Variants in DPYS observed in about 807,000 individuals in gnomAD.
The protein encoded by DPYS is dihydropyrimidine amidohydrolase.
A neutral mutation model predicts 50.3 loss-of-function variants in DPYS; 39 were observed. The observed-to-expected ratio is 0.78, with a 90% CI of 0.60 to 1.01. DPYS has a LOEUF of 1.01. Ranked by LOEUF, DPYS falls within the 50% of genes least tolerant of loss-of-function variation. DPYS has a pLI of 0.00. For synonymous variants in DPYS, 245 were observed against 250.7 expected (o/e 0.98, Z 0.22); for missense variants, 659 against 680.9 (o/e 0.97, Z 0.36).
intron 7 of DPYS, among the ~76,000 whole-genome samples, chr8:104,394,560 A>G (rs1488570891): frequency 6.6e-6 from 1 of 151,768 alleles, no homozygotes; most frequent in Non-Finnish European, 1.5e-5. Flanking sequence ...GTCATCTCTC[A>G]CCTGGACAAC....
intron 7 of DPYS, among the ~76,000 whole-genome samples, chr8:104,398,462 A>G (rs1173771836): frequency 6.6e-6 from 1 of 152,244 alleles, no homozygotes; most frequent in African/African-American, 2.4e-5. Flanking sequence ...TGGAGAGTCT[A>G]TGAGCCACCC....
chr8:104,448,869 C>T (rs1813632322), intron 2 of DPYS, among the ~76,000 whole-genome samples: 1 of 152,146 alleles, frequency 6.6e-6, no homozygotes, highest in African/African-American at 2.4e-5. Context: ...AAATGTCCCT[C>T]CCTTTTCTTG....
intron 1 of DPYS, among the ~76,000 whole-genome samples, chr8:104,452,183 G>A (rs929221232): frequency 6.6e-6 from 1 of 152,118 alleles, no homozygotes; most frequent in African/African-American, 2.4e-5. Flanking sequence ...ATACCCCTTA[G>A]CACATTATAT....
chr8:104,429,678 T>C lies in DPYS; in HGVS notation c.817A>G (p.Ile273Val), dbSNP rs201924473. 5.1e-5 allele frequency: 82 copies of C among 1,614,040 alleles called. No individual in the cohort carries two copies. Among genetic ancestry groups the C allele is most frequent in the Non-Finnish European group, 6.4e-5 (75 of 1,180,024 alleles). Residue 273 changes from isoleucine to valine, a missense_variant, in exon 5 of 10, where the codon ATA becomes GTA. By Grantham distance (29) the Ile-to-Val change is conservative. Transcript: ENST00000351513. Reference sequence around the variant, plus strand: ...CCATCTGTGCCAAGACTGGCTGCTATGGGTTCACCATAGACCACCTTCCCT... The same window carrying C: ...CCATCTGTGCCAAGACTGGCTGCTACGGGTTCACCATAGACCACCTTCCCT... The part of the protein sequence containing the change: ...RDGKVVYGEP[I>V]AASLGTDGTH...
intron 4 of DPYS, among the ~76,000 whole-genome samples, chr8:104,440,199 C>A (rs942616409): frequency 1.3e-5 from 2 of 152,174 alleles, no homozygotes; most frequent in Admixed American, 6.5e-5. Flanking sequence ...CTATCCCGCT[C>A]TTCTGGATAT....
rs1813578840 is a variant in DPYS at position 104,447,515 on chromosome 8, C to T, written c.424-12G>A. ...ATTTCTTCTTTAACCTAAAAGGAAGCAGCAACCATAACAACAATATGTTAC... is the reference window on the plus strand; with the variant it reads ...ATTTCTTCTTTAACCTAAAAGGAAGTAGCAACCATAACAACAATATGTTAC... On this transcript the variant is annotated splice_polypyrimidine_tract_variant and intron_variant, in intron 2 of 9. Transcript: ENST00000351513. 1 of 1,613,752 alleles carries T rather than the reference C, an allele frequency of 6.2e-7. No individual in the cohort carries two copies. The highest frequency in any genetic ancestry group is 8.5e-7 in the Non-Finnish European group (1 of 1,179,852).
chr8:104,421,162 C>T (rs1414404261), intron 7 of DPYS: 1 of 152,006 alleles, frequency 6.6e-6, no homozygotes, highest in Non-Finnish European at 1.5e-5. Context: ...AATCAGCAGA[C>T]ATAGATAAAG....
In DPYS at chr8:104,381,267, G is replaced by C. The variant is rs561593514; in HGVS notation, c.1491C>G (p.Val497=). 6.2e-7 allele frequency: 1 copy of C among 1,614,116 alleles called. No homozygotes were observed. The highest frequency in any genetic ancestry group is 8.5e-7 in the Non-Finnish European group (1 of 1,180,014). Residue 497 remains valine, a synonymous_variant, in exon 9 of 10, where the codon GTC becomes GTG. Transcript: ENST00000351513. ...PVERAPYKGE[V]ATLKSRVTKE... ...TTGTCACTCTGGATTTCAGTGTGGCGACTTCTCCCTTATAGGGTGCACGCT... is the reference window on the plus strand; with the variant it reads ...TTGTCACTCTGGATTTCAGTGTGGCCACTTCTCCCTTATAGGGTGCACGCT...
intron 1 of DPYS, among the ~76,000 whole-genome samples, chr8:104,462,015 T>C (rs1292220830): frequency 6.6e-6 from 1 of 152,202 alleles, no homozygotes; most frequent in Non-Finnish European, 1.5e-5. Context: ...TAAATATTAT[T>C]TTTCTTTATA....
intron 7 of DPYS, among the ~76,000 whole-genome samples, chr8:104,416,133 C>T (rs1812359741): frequency 6.6e-6 from 1 of 152,140 alleles, no homozygotes; most frequent in Admixed American, 6.5e-5. Context: ...TCATAAGTGG[C>T]AGACTAGGAA....
chr8:104,412,503 G>T (rs759214898), intron 7 of DPYS, among the ~76,000 whole-genome samples: 2 of 152,172 alleles, frequency 1.3e-5, no homozygotes, highest in Admixed American at 6.5e-5. Flanking sequence ...GATGAAATAC[G>T]TGCAGACTCA....
chr8:104,427,200 CAAAA>C (rs1269273453), intron 6 of DPYS, among the ~76,000 whole-genome samples: 2 of 57,800 alleles, frequency 3.5e-5, no homozygotes, highest in Non-Finnish European at 7.4e-5. Flanking sequence ...GACTCCGTCT[CAAAA>C]AAAAAAAAAA....
chr8:104,424,542 T>C (rs1812655779), intron 6 of DPYS, among the ~76,000 whole-genome samples, 153 bp from the exon 7 acceptor site: 1 of 152,188 alleles, frequency 6.6e-6, no homozygotes, highest in Non-Finnish European at 1.5e-5. Flanking sequence ...TATTAAACAG[T>C]CATAATGCCA....
At chr8:104,401,916 C>T (rs1466282754) in intron 7 of DPYS, among the ~76,000 whole-genome samples, 3 of 152,194 alleles carry the variant, frequency 2.0e-5, no homozygotes, top group African/African-American at 7.2e-5. Context: ...CCGCCTCCTG[C>T]AGAAGAGAAA....
chr8:104,460,970 T>C (rs1483987943), intron 1 of DPYS, among the ~76,000 whole-genome samples: 1 of 152,036 alleles, frequency 6.6e-6, no homozygotes, highest in East Asian at 1.9e-4. Context: ...TCCTCTGAAA[T>C]TGACATAGAT....
intron 9 of DPYS, chr8:104,380,619 CAG>C (rs1411605926): frequency 6.5e-5 from 10 of 153,996 alleles, no homozygotes; most frequent in African/African-American, 1.7e-4. Flanking sequence ...TGTCAAAAGA[CAG>C]AGAAAACTGA....
intron 6 of DPYS, 39 bp downstream of exon 6, chr8:104,427,941 A>C (rs1039166302): frequency 5.6e-6 from 9 of 1,613,258 alleles, no homozygotes; most frequent in Non-Finnish European, 7.6e-6. Context: ...TCCTGGCTGA[A>C]GAACTAGGCA....
At chr8:104,415,435 T>C (rs888567063) in intron 7 of DPYS, among the ~76,000 whole-genome samples, 1 of 152,240 alleles carries the variant, frequency 6.6e-6, no homozygotes, top group African/African-American at 2.4e-5. Context: ...TTATTAGTAG[T>C]AAAGTCCCTA....
intron 2 of DPYS, among the ~76,000 whole-genome samples, chr8:104,450,179 A>AT: frequency 8.2e-6 from 1 of 122,232 alleles, no homozygotes; most frequent in Non-Finnish European, 1.8e-5. Flanking sequence ...GGGAGGGAAA[A>AT]GAAGAAGAGA....
Sources: allele counts gnomAD v4.1 joint callset (sites outside exome capture counted in the v4.1 genomes callset), GRCh38; gene constraint gnomAD v4.1.1; transcripts MANE v1.5; gene names NCBI Gene and HGNC (gene_info 2026-07-23, HGNC 2026-07-21).